ASPSCR1: variants seen among roughly 807,000 people sequenced by gnomAD.
The protein encoded by ASPSCR1 is tether containing UBX domain for GLUT4.
A neutral mutation model predicts 68.9 loss-of-function variants in ASPSCR1; 55 were observed. The ratio of observed to expected loss-of-function variants is 0.80; its 90% CI spans 0.64 to 1.00. The LOEUF (loss-of-function observed/expected upper bound fraction) is 1.00, where lower values mean the gene tolerates loss of function less well. ASPSCR1 is among the 50% of genes least tolerant of loss of function. The probability of loss-of-function intolerance (pLI) is 0.00; values close to 1 mark genes in which losing one functional copy is unlikely to be tolerated. For synonymous variants in ASPSCR1, 352 were observed against 332.6 expected, an observed-to-expected ratio of 1.06 and a Z score of -0.63; for missense variants, 765 against 762.2, an observed-to-expected ratio of 1.00 and a Z score of -0.04.
At chr17:82,002,880 C>A (rs905484669) in intron 7 of ASPSCR1, among the ~76,000 whole-genome samples, 1 of 143,246 alleles carries the variant, frequency 7.0e-6, no homozygotes, top group East Asian at 2.1e-4. Context: ...TTTAAAATAA[C>A]TTTTTTTTTT....
rs749546618 is a variant in ASPSCR1, at chr17:82,016,611, G to C, written c.1405+84G>C. On this transcript the variant is annotated intron_variant, in intron 13 of 15. Transcript: ENST00000306739. ...GAGCCAGCTGCCCGGGAGGGCGTTC[G>C]GTCTGGGGCCTCCTTTGGGTCTGAG... is the stretch of plus-strand genomic sequence containing the variant. 3.9e-6 allele frequency: 6 copies of C among 1,522,204 alleles called. No individual in the cohort carries two copies. In the African/African-American group the frequency reaches 5.5e-5, roughly 14 times the overall value. 94.3% of individuals were successfully genotyped at this position (1,522,204 alleles called of 1,614,324 possible).
intron 12 of ASPSCR1, chr17:82,013,234 C>T (rs902378472): frequency 4.6e-5 from 7 of 152,110 alleles, no homozygotes; most frequent in African/African-American, 1.2e-4. Context: ...CCTCCTTCCT[C>T]CGTCTCCATC....
rs148162287 is a variant in ASPSCR1, at chr17:82,012,268, G to A, written c.1338G>A (p.Thr446=). 1.3e-5 allele frequency: 21 copies of A among 1,613,380 alleles called. No homozygotes were observed. Among genetic ancestry groups the A allele is most frequent in the African/African-American group, 5.3e-5 (4 of 74,922 alleles). The stretch of plus-strand genomic sequence containing the variant: ...CAAAAACAGTCCTGGACGACCACAC[G>A]CAGACCCTCTTTCAGGTACCTGAGG... The part of the protein sequence containing the change: ...TPPKTVLDDH[T]QTLFQANLFP... Residue 446 remains threonine, a synonymous_variant, in exon 12 of 16, where the codon ACG becomes ACA. Transcript: ENST00000306739.
At chr17:81,997,154 C>T (rs1415734162) in intron 7 of ASPSCR1, among the ~76,000 whole-genome samples, 1 of 152,104 alleles carries the variant, frequency 6.6e-6, no homozygotes, top group Non-Finnish European at 1.5e-5. Context: ...GTGTTGGCTC[C>T]ATGACAAGGC....
chr17:81,994,178 C>T (rs567885910), intron 4 of ASPSCR1, among the ~76,000 whole-genome samples: 2 of 152,230 alleles, frequency 1.3e-5, no homozygotes, highest in Non-Finnish European at 2.9e-5. Context: ...CATATACCTG[C>T]CCACCCATGC....
chr17:81,984,882 ACC>A (rs548190136), intron 3 of ASPSCR1, among the ~76,000 whole-genome samples: 1 of 18,922 alleles, frequency 5.3e-5, no homozygotes, highest in Admixed American at 7.7e-4. Context: ...CCGCACACAC[ACC>A]CCCCACACAC....
At chr17:82,009,261 C>T (rs969318585) in intron 8 of ASPSCR1, 70 bp downstream of exon 8, 31 of 1,499,132 alleles carry the variant, frequency 2.1e-5, no homozygotes, top group South Asian at 7.9e-5. Flanking sequence ...TTGTGCTGCC[C>T]GCTGTCCCCA....
At chr17:82,010,090 T>TG (rs767063165) in intron 9 of ASPSCR1, 12 of 315,860 alleles carry the variant, frequency 3.8e-5, no homozygotes, top group Admixed American at 4.7e-5. Context: ...TTTTGTTGTT[T>TG]TTTTTTTTTT....
intron 7 of ASPSCR1, among the ~76,000 whole-genome samples, chr17:81,998,196 C>T (rs1312579866): frequency 6.6e-6 from 1 of 152,158 alleles, no homozygotes; most frequent in East Asian, 1.9e-4. Flanking sequence ...GTCTCGAATT[C>T]CTGGGCTCAA....
chr17:81,990,145 G>A lies in ASPSCR1; in HGVS notation c.374+4538G>A, dbSNP rs1258725838. ...CAGGTGTCATTAATTTTAGTAATAC[G>A]TGTAGTTAACTCAGTATACCCAAAA... On this transcript the variant is annotated intron_variant, in intron 4 of 15. Coordinates refer to ENST00000306739, the MANE Select transcript of ASPSCR1 (RefSeq NM_024083.4). This position sits in a 1 kb window ranked among gnomAD's most constrained non-coding sequence, Gnocchi z 4.1. Among the ~76,000 whole-genome samples, 6 of 152,316 alleles carry A rather than the reference G, an allele frequency of 3.9e-5. No homozygotes were observed. In the South Asian group the frequency reaches 1.0e-3, roughly 26 times the overall value.
chr17:82,008,790 T>C, intron 7 of ASPSCR1: 1 of 444,880 alleles, frequency 2.2e-6, no homozygotes, highest in Non-Finnish European at 3.9e-6. Flanking sequence ...CAGCATCAGG[T>C]CTGGTGCACT....
intron 2 of ASPSCR1, among the ~76,000 whole-genome samples, chr17:81,982,094 G>A (rs895190429): frequency 6.6e-6 from 1 of 151,930 alleles, no homozygotes; most frequent in Non-Finnish European, 1.5e-5. Flanking sequence ...TCAGCCTCCC[G>A]AGTAGCTGGG....
chr17:82,001,891 A>C (rs370250013), intron 7 of ASPSCR1, among the ~76,000 whole-genome samples: 336 of 151,222 alleles, frequency 2.2e-3, no homozygotes, highest in African/African-American at 7.7e-3. Flanking sequence ...CCACAGTGAC[A>C]CACGCCTGCC....
intron 11 of ASPSCR1, 67 bp downstream of exon 11, chr17:82,011,672 G>T: frequency 6.5e-7 from 1 of 1,533,144 alleles, no homozygotes; most frequent in Non-Finnish European, 8.9e-7. Flanking sequence ...TGGGCACACC[G>T]CCCGTCCCAG....
chr17:82,010,311 T>C (rs564638053), intron 9 of ASPSCR1, among the ~76,000 whole-genome samples: 71 of 150,830 alleles, frequency 4.7e-4, no homozygotes, highest in East Asian at 1.8e-3. Flanking sequence ...GGGCGGATCA[T>C]GAGGTCAGGA....
intron 3 of ASPSCR1, among the ~76,000 whole-genome samples, chr17:81,984,958 C>CG (rs1468975607): frequency 2.5e-5 from 3 of 121,202 alleles, no homozygotes; most frequent in Admixed American, 8.1e-5. Flanking sequence ...CGCACACACC[C>CG]CACACACCTG....
chr17:82,000,497 C>T (rs1017706110), intron 7 of ASPSCR1, among the ~76,000 whole-genome samples: 13 of 152,194 alleles, frequency 8.5e-5, no homozygotes, highest in Admixed American at 6.5e-4. Context: ...CATGCCGCTG[C>T]TGGGTCCCTT....
At chr17:82,008,842 TGG>T in intron 7 of ASPSCR1, 193 bp from the exon 8 acceptor site, 1 of 648,092 alleles carries the variant, frequency 1.5e-6, no homozygotes, top group Non-Finnish European at 2.4e-6. Context: ...AGGCTCTGAG[TGG>T]GGTGGGGTCC....
At chr17:82,012,126 C>T (rs760994589) in intron 11 of ASPSCR1, 105 bp from the exon 12 acceptor site, 19 of 1,333,102 alleles carry the variant, frequency 1.4e-5, no homozygotes, top group Non-Finnish European at 1.9e-5. Context: ...GGCTCTTCTG[C>T]CCCACTTGAG....
Sources: gnomAD v4.1 joint callset for allele counts (sites outside exome capture counted in the v4.1 genomes callset) on GRCh38, gnomAD v4.1.1 for gene constraint, Gnocchi (gnomAD v3.1) non-coding constraint, MANE v1.5 for transcripts, NCBI Gene and HGNC (gene_info 2026-07-23, HGNC 2026-07-21) for gene names.